ANKRD55: variants seen among roughly 807,000 people sequenced by gnomAD.
ANKRD55 encodes ankyrin repeat domain-containing protein 55.
In ANKRD55, 41 loss-of-function variants were observed where a neutral mutation model predicts 60.6. The observed-to-expected ratio is 0.68, with a 90% CI of 0.53 to 0.88. The LOEUF (loss-of-function observed/expected upper bound fraction) is 0.88, where lower values mean the gene tolerates loss of function less well. Ranked by LOEUF, ANKRD55 falls within the 40% of genes least tolerant of loss-of-function variation. The pLI is 0.00. For synonymous variants in ANKRD55, 264 were observed against 290.3 expected, an observed-to-expected ratio of 0.91 and a Z score of 0.92; for missense variants, 732 against 767.6, an observed-to-expected ratio of 0.95 and a Z score of 0.55.
chr5:56,102,549 T>A lies in ANKRD55; in HGVS notation c.1668A>T (p.Lys556Asn). The A allele has an allele frequency of 6.2e-7, 1 of 1,613,804 alleles. No homozygotes were observed. Among genetic ancestry groups the A allele is most frequent in the Non-Finnish European group, 8.5e-7 (1 of 1,179,796 alleles). ...TCCGAGTGAAAGGAAGATCCCTGAT[T>A]TTGTGTCTGTTTGGGGAAAGATGCT... ...NFQHLSPNRH[K>N]IRDLPFTRNN... is the part of the protein sequence containing the mutation. The change falls in exon 11 of 12, where the codon AAA becomes AAT. Residue 556 changes from lysine to asparagine, a missense_variant. Lys to Asn is a moderately conservative substitution (Grantham distance 94, BLOSUM62 0). Transcript: ENST00000341048.
At chr5:56,166,335 G>T (rs7728831) in intron 5 of ANKRD55, among the ~76,000 whole-genome samples, 1 of 150,750 alleles carries the variant, frequency 6.6e-6, no homozygotes, top group Non-Finnish European at 1.5e-5. Flanking sequence ...ATAGCTCACC[G>T]CAGCCTCGAA....
intron 2 of ANKRD55, among the ~76,000 whole-genome samples, chr5:56,227,253 C>T (rs1165469432): frequency 2.0e-5 from 3 of 151,096 alleles, no homozygotes; most frequent in Non-Finnish European, 2.9e-5. Flanking sequence ...AAACCAAACA[C>T]CACATGTTCT....
At chr5:56,128,920 A>C in intron 7 of ANKRD55, among the ~76,000 whole-genome samples, 1 of 152,208 alleles carries the variant, frequency 6.6e-6, no homozygotes, top group East Asian at 1.9e-4. Flanking sequence ...ATACTGGAGG[A>C]ACTAAAGTGA....
At chr5:56,222,470 C>T (rs551613042) in intron 2 of ANKRD55, among the ~76,000 whole-genome samples, 1 of 152,280 alleles carries the variant, frequency 6.6e-6, no homozygotes, top group African/African-American at 2.4e-5. Flanking sequence ...AGCTCCTCGC[C>T]AGCAATGAAA....
intron 5 of ANKRD55, among the ~76,000 whole-genome samples, chr5:56,170,387 G>A (rs542805833): frequency 4.6e-5 from 7 of 152,066 alleles, no homozygotes; most frequent in Non-Finnish European, 8.8e-5. Context: ...ACATGTGCTC[G>A]AAAAATAGTT....
chr5:56,115,035 CA>C (rs929592098), intron 9 of ANKRD55, among the ~76,000 whole-genome samples: 2 of 151,188 alleles, frequency 1.3e-5, no homozygotes, highest in African/African-American at 4.9e-5. Context: ...AATAAAAAAC[CA>C]AAAAACAAGA....
intron 2 of ANKRD55, 52 bp from the exon 3 acceptor site, chr5:56,183,686 A>G (rs1758904357): frequency 1.2e-6 from 2 of 1,600,228 alleles, no homozygotes; most frequent in Non-Finnish European, 1.7e-6. Flanking sequence ...GTTCACTGAA[A>G]GAATAACAAT....
At chr5:56,166,199 T>TCTC (rs1554040821) in intron 5 of ANKRD55, among the ~76,000 whole-genome samples, 1 of 96,062 alleles carries the variant, frequency 1.0e-5, no homozygotes, top group Non-Finnish European at 1.9e-5. Context: ...CCTTCCTTCC[T>TCTC]TCTCTCTCTC....
intron 7 of ANKRD55, 102 bp downstream of exon 7, chr5:56,143,697 CAA>C: frequency 6.7e-7 from 1 of 1,496,508 alleles, no homozygotes. Context: ...GGAGCTGAAT[CAA>C]GAGCTGAAAC....
At chr5:56,172,351 G>A (rs548011405) in intron 4 of ANKRD55, among the ~76,000 whole-genome samples, 1 of 152,080 alleles carries the variant, frequency 6.6e-6, no homozygotes, top group Non-Finnish European at 1.5e-5. Context: ...ATAGTTTACT[G>A]ATGCATTAAA....
intron 2 of ANKRD55, among the ~76,000 whole-genome samples, chr5:56,221,265 C>A (rs1053337734): frequency 6.6e-6 from 1 of 152,202 alleles, no homozygotes; most frequent in African/African-American, 2.4e-5. Flanking sequence ...GGTTGTCATG[C>A]CAGATTTTTA....
In ANKRD55 at chr5:56,233,312, G is replaced by A. The variant is rs902215016; in HGVS notation, c.-105C>T. Reference sequence around the variant, plus strand: ...GCTGGAATGTCGCTTTACACCAACAGAAATCTGAATGGGTGAGTGAGGATT... The same window carrying A: ...GCTGGAATGTCGCTTTACACCAACAAAAATCTGAATGGGTGAGTGAGGATT... On this transcript the variant is annotated 5_prime_UTR_variant, in exon 1 of 12. Coordinates refer to ENST00000341048, the MANE Select transcript of ANKRD55 (RefSeq NM_024669.3). The A allele has an allele frequency of 4.4e-6, 1 of 228,788 alleles. No homozygotes were observed. The highest frequency in any genetic ancestry group is 2.3e-5 in the African/African-American group (1 of 44,066). 14.2% of individuals were successfully genotyped at this position (228,788 alleles called of 1,614,324 possible).
chr5:56,222,861 C>T (rs1760004617), intron 2 of ANKRD55, among the ~76,000 whole-genome samples: 1 of 152,106 alleles, frequency 6.6e-6, no homozygotes, highest in African/African-American at 2.4e-5. Context: ...TGTGAAAAGA[C>T]CAAATCTACG....
chr5:56,166,199 T>TTCCTTTTC (rs769664867), intron 5 of ANKRD55, among the ~76,000 whole-genome samples: 4 of 96,062 alleles, frequency 4.2e-5, no homozygotes, highest in African/African-American at 2.3e-4. Context: ...CCTTCCTTCC[T>TTCCTTTTC]TCTCTCTCTC....
intron 4 of ANKRD55, among the ~76,000 whole-genome samples, chr5:56,173,582 C>CTCTATATATATA (rs1484157730): frequency 2.4e-4 from 11 of 45,244 alleles, no homozygotes; most frequent in African/African-American, 8.7e-5. Flanking sequence ...CTCTCTCTCT[C>CTCTATATATATA]TATATATATA....
At chr5:56,126,864 A>G (rs980753431) in intron 8 of ANKRD55, 58 bp downstream of exon 8, 5 of 1,527,746 alleles carry the variant, frequency 3.3e-6, no homozygotes, top group Non-Finnish European at 2.7e-6. Flanking sequence ...CCTTTATTTT[A>G]AGATTCAGTT....
chr5:56,189,549 G>T (rs1759045692), intron 2 of ANKRD55, among the ~76,000 whole-genome samples: 1 of 152,070 alleles, frequency 6.6e-6, no homozygotes, highest in South Asian at 2.1e-4. Context: ...ACTACTAAAG[G>T]CACCTCATGT....
At chr5:56,140,608 TA>T (rs1441003088) in intron 7 of ANKRD55, among the ~76,000 whole-genome samples, 1 of 152,216 alleles carries the variant, frequency 6.6e-6, no homozygotes, top group African/African-American at 2.4e-5. Context: ...ATTGAGTAAA[TA>T]AATGAACGAG....
At chr5:56,125,046 T>C (rs184379) in intron 8 of ANKRD55, among the ~76,000 whole-genome samples, 87,683 of 151,898 alleles carry the variant, frequency 0.58, 25,486 homozygotes, top group South Asian at 0.7. Context: ...GCCTAGAGAA[T>C]TGGATTTTCT....
Sources: gnomAD v4.1 joint callset for allele counts (sites outside exome capture counted in the v4.1 genomes callset) on GRCh38, gnomAD v4.1.1 for gene constraint, MANE v1.5 for transcripts, NCBI Gene and HGNC (gene_info 2026-07-23, HGNC 2026-07-21) for gene names.